Variants in SYT1 observed in about 807,000 individuals in gnomAD.
SYT1 encodes the protein synaptotagmin 1, also known as synaptotagmin-1.
SYT1 carries 8 observed loss-of-function variants against 44.8 expected under a neutral mutation model. The ratio of observed to expected loss-of-function variants is 0.18; its 90% confidence interval spans 0.10 to 0.32. The LOEUF is 0.32. Among genes scored for constraint, SYT1 ranks in the 10% least tolerant of loss-of-function variants. The probability of loss-of-function intolerance (pLI) is 1.00; values close to 1 mark genes in which losing one functional copy is unlikely to be tolerated. For missense variants in SYT1, 286 were observed against 509.3 expected (o/e 0.56, Z 4.22); for synonymous variants, 154 against 188.8 (o/e 0.82, Z 1.51).
chr12:79,261,339 A>G (rs1430552216), intron 4 of SYT1, among the ~76,000 whole-genome samples: 2 of 152,266 alleles, frequency 1.3e-5, no homozygotes, highest in South Asian at 4.1e-4. Flanking sequence ...TCCTTCCTCC[A>G]ATATTTTCAA....
At chr12:78,914,970 G>A (rs930259254) in intron 1 of SYT1, among the ~76,000 whole-genome samples, 1 of 152,140 alleles carries the variant, frequency 6.6e-6, no homozygotes, top group Non-Finnish European at 1.5e-5. Context: ...TCTCACAGGT[G>A]GTGAAAGTGG....
At chr12:79,073,273 T>C (rs974099904) in intron 3 of SYT1, among the ~76,000 whole-genome samples, 1 of 152,112 alleles carries the variant, frequency 6.6e-6, no homozygotes, top group Non-Finnish European at 1.5e-5. Flanking sequence ...GGATAGGATA[T>C]AATTAACTAA....
chr12:78,867,469 A>C (rs534582875), intron 1 of SYT1, among the ~76,000 whole-genome samples: 1 of 152,162 alleles, frequency 6.6e-6, no homozygotes, highest in South Asian at 2.1e-4. Context: ...GAGACCTTAC[A>C]TGATATATTA....
chr12:79,195,690 T>C (rs1015818112), intron 3 of SYT1, among the ~76,000 whole-genome samples: 1 of 152,130 alleles, frequency 6.6e-6, no homozygotes, highest in Non-Finnish European at 1.5e-5. Flanking sequence ...AATGAAACAC[T>C]GAAAGTAATG....
chr12:79,172,653 T>C (rs938640006), intron 3 of SYT1, among the ~76,000 whole-genome samples: 1 of 151,852 alleles, frequency 6.6e-6, no homozygotes, highest in Non-Finnish European at 1.5e-5. Flanking sequence ...ATTTTTGAGC[T>C]AAGAAAATCA....
chr12:79,179,341 G>C (rs1168000439), intron 3 of SYT1, among the ~76,000 whole-genome samples: 19 of 37,358 alleles, frequency 5.1e-4, no homozygotes, highest in Non-Finnish European at 8.9e-4. Flanking sequence ...TAGATATATC[G>C]ATATGTCTAT....
chr12:78,979,993 C>T (rs1282984202), intron 2 of SYT1, among the ~76,000 whole-genome samples: 2 of 152,078 alleles, frequency 1.3e-5, no homozygotes, highest in Non-Finnish European at 2.9e-5. Flanking sequence ...GAGTGTCTTA[C>T]TTTCAGAAGA....
At chr12:79,257,455 T>C (rs536896211) in intron 4 of SYT1, among the ~76,000 whole-genome samples, 7 of 152,242 alleles carry the variant, frequency 4.6e-5, no homozygotes, top group Middle Eastern at 3.4e-3. Flanking sequence ...CATTGTAACA[T>C]TGCTGTTTTT....
intron 2 of SYT1, among the ~76,000 whole-genome samples, chr12:79,018,726 A>G (rs1296129421): frequency 6.6e-6 from 1 of 152,050 alleles, no homozygotes; most frequent in Non-Finnish European, 1.5e-5. Flanking sequence ...CCTTATGGGT[A>G]TCATTATTTA....
chr12:79,067,363 G>A (rs184272428), intron 3 of SYT1, among the ~76,000 whole-genome samples: 1 of 152,124 alleles, frequency 6.6e-6, no homozygotes, highest in East Asian at 1.9e-4. Flanking sequence ...AATAGTCATG[G>A]AACTGTGGAA....
intron 1 of SYT1, among the ~76,000 whole-genome samples, chr12:78,895,113 T>C (rs2137082139): frequency 6.6e-6 from 1 of 151,792 alleles, no homozygotes; most frequent in East Asian, 1.9e-4. Flanking sequence ...TTTGATGTAT[T>C]CTCCGTTGAG....
At chr12:79,269,690 A>G (rs1009380027) in intron 4 of SYT1, among the ~76,000 whole-genome samples, 2 of 151,964 alleles carry the variant, frequency 1.3e-5, no homozygotes, top group African/African-American at 4.8e-5. Flanking sequence ...AACTGTATGA[A>G]AAAGTACACA....
chr12:79,215,918 C>CTTTTTTTTTTTTTTTTTTTTTTTTTTT (rs71091653), intron 3 of SYT1, among the ~76,000 whole-genome samples: 1 of 76,726 alleles, frequency 1.3e-5, no homozygotes, highest in African/African-American at 5.5e-5. Context: ...GCATTTCTTT[C>CTTTTTTTTTTTTTTTTTTTTTTTTTTT]TTTTTTTTTT....
At chr12:79,134,386 T>C (rs915855257) in intron 3 of SYT1, among the ~76,000 whole-genome samples, 1 of 152,194 alleles carries the variant, frequency 6.6e-6, no homozygotes, top group Non-Finnish European at 1.5e-5. Context: ...GGAACATTTT[T>C]CTGAATGCTT....
chr12:79,125,407 T>C (rs1388620155), intron 3 of SYT1, among the ~76,000 whole-genome samples: 1 of 147,308 alleles, frequency 6.8e-6, no homozygotes, highest in Non-Finnish European at 1.5e-5. Flanking sequence ...ACCCAGGAGT[T>C]CAAGACCAGC....
intron 3 of SYT1, among the ~76,000 whole-genome samples, chr12:79,061,460 T>C (rs1024910562): frequency 6.6e-6 from 1 of 151,974 alleles, no homozygotes; most frequent in Non-Finnish European, 1.5e-5. Context: ...ACTGGCAGAG[T>C]TGGCATTTGA....
At chr12:79,104,396 T>C (rs1043385437) in intron 3 of SYT1, among the ~76,000 whole-genome samples, 3 of 151,950 alleles carry the variant, frequency 2.0e-5, no homozygotes, top group African/African-American at 7.3e-5. Context: ...ATATATACAA[T>C]ACATATATAG....
intron 2 of SYT1, among the ~76,000 whole-genome samples, chr12:79,010,914 G>A (rs17046238): frequency 0.074 from 11,197 of 152,012 alleles, 508 homozygotes; most frequent in East Asian, 0.15. Context: ...GAATGTTGTC[G>A]TTTTCCAAAC....
intron 2 of SYT1, among the ~76,000 whole-genome samples, chr12:79,004,612 G>A (rs1870959105): frequency 6.6e-6 from 1 of 151,950 alleles, no homozygotes. Context: ...TATTAGTACA[G>A]TAGCAATTGT....
Sources: allele counts gnomAD v4.1 joint callset (sites outside exome capture counted in the v4.1 genomes callset), GRCh38; gene constraint gnomAD v4.1.1; transcripts MANE v1.5; gene names NCBI Gene and HGNC (gene_info 2026-07-23, HGNC 2026-07-21).